CHRM3: variants seen among roughly 807,000 people sequenced by gnomAD.
The protein encoded by CHRM3 is cholinergic receptor muscarinic 3.
Under a neutral mutation model 41.8 loss-of-function variants are expected in CHRM3, and 11 were observed. That is an observed-to-expected ratio of 0.26 (90% CI 0.17 to 0.44). The LOEUF is 0.44. Among genes scored for constraint, CHRM3 ranks in the 20% least tolerant of loss-of-function variants. CHRM3 has a pLI of 1.00. For synonymous variants in CHRM3, 297 were observed against 301.4 expected, an observed-to-expected ratio of 0.99 and a Z score of 0.15; for missense variants, 571 against 745.4, an observed-to-expected ratio of 0.77 and a Z score of 2.72.
intron 1 of CHRM3, among the ~76,000 whole-genome samples, chr1:239,433,991 G>T (rs1203104242): frequency 6.6e-6 from 1 of 152,110 alleles, no homozygotes; most frequent in Admixed American, 6.5e-5. Context: ...TAGTGGGATT[G>T]CTGGATCAAA....
intron 3 of CHRM3, among the ~76,000 whole-genome samples, chr1:239,587,414 T>C (rs1296675284): frequency 1.3e-5 from 2 of 152,172 alleles, no homozygotes; most frequent in Admixed American, 6.5e-5. Flanking sequence ...ATAAGCTAGA[T>C]AGAGAGTCCT....
intron 3 of CHRM3, among the ~76,000 whole-genome samples, chr1:239,567,789 C>G (rs1661488670): frequency 1.3e-5 from 2 of 152,136 alleles, no homozygotes; most frequent in Non-Finnish European, 2.9e-5. Context: ...TTTCCCTGCA[C>G]TTGGCTGGTT....
At chr1:239,737,440 A>C (rs2148468749) in intron 5 of CHRM3, among the ~76,000 whole-genome samples, 1 of 152,268 alleles carries the variant, frequency 6.6e-6, no homozygotes, top group South Asian at 2.1e-4. Context: ...ATTCAGAAAA[A>C]ATAAACACAC....
Position 239,762,942 on chromosome 1 carries a change from T to C in CHRM3, c.-146-64310T>C, listed in dbSNP as rs149223548. ...AAGATGCTGTGTAAGAATGGCAGAG[T>C]ATAATTGTCCTTTTATAGTCATAAT... is the stretch of plus-strand genomic sequence containing the variant. On this transcript the variant is annotated intron_variant, in intron 5 of 6. Transcript: ENST00000676153. Among the ~76,000 whole-genome samples, 27 of 152,292 alleles carry C rather than the reference T, an allele frequency of 1.8e-4. 1 individual carries two copies. Among genetic ancestry groups the C allele is most frequent in the African/African-American group, 6.0e-4 (25 of 41,562 alleles).
chr1:239,420,086 C>A (rs1169404735), intron 1 of CHRM3, among the ~76,000 whole-genome samples: 1 of 152,166 alleles, frequency 6.6e-6, no homozygotes, highest in African/African-American at 2.4e-5. Context: ...TGTTTAGAAG[C>A]TGGGCCTGTA....
chr1:239,868,209 G>C (rs111744945), intron 6 of CHRM3, among the ~76,000 whole-genome samples: 13 of 152,208 alleles, frequency 8.5e-5, no homozygotes, highest in African/African-American at 3.1e-4. Context: ...TCAGAGAACA[G>C]AAGGGAACTC....
chr1:239,426,485 AGAAAG>A (rs374541734), intron 1 of CHRM3, among the ~76,000 whole-genome samples: 7 of 130,466 alleles, frequency 5.4e-5, no homozygotes, highest in Non-Finnish European at 8.3e-5. Context: ...AAAAAAAAAA[AGAAAG>A]AAAAAATCCA....
chr1:239,815,215 G>A (rs1671478098), intron 5 of CHRM3, among the ~76,000 whole-genome samples: 1 of 152,168 alleles, frequency 6.6e-6, no homozygotes, highest in Non-Finnish European at 1.5e-5. Context: ...GGATTTATCA[G>A]TAAAATTGAA....
intron 1 of CHRM3, among the ~76,000 whole-genome samples, chr1:239,421,274 C>T (rs577232359): frequency 6.6e-6 from 1 of 152,252 alleles, no homozygotes; most frequent in African/African-American, 2.4e-5. Context: ...GTTGAGTAAG[C>T]AGGTATCTTG....
chr1:239,558,416 C>T (rs1233840638), intron 3 of CHRM3, among the ~76,000 whole-genome samples: 1 of 152,126 alleles, frequency 6.6e-6, no homozygotes, highest in East Asian at 1.9e-4. Context: ...CAGACACATT[C>T]TGAATGGGAA....
chr1:239,562,796 G>A (rs896516167), intron 3 of CHRM3, among the ~76,000 whole-genome samples: 2 of 151,052 alleles, frequency 1.3e-5, no homozygotes, highest in Non-Finnish European at 2.9e-5. Flanking sequence ...GCTGAGGCAG[G>A]AGAATCACTT....
At chr1:239,700,199 C>T (rs1055062354) in intron 5 of CHRM3, among the ~76,000 whole-genome samples, 4 of 152,054 alleles carry the variant, frequency 2.6e-5, no homozygotes, top group Admixed American at 1.3e-4. Context: ...CCTTTTATTC[C>T]GCCATTCCTG....
chr1:239,714,912 T>G (rs1662187441), intron 5 of CHRM3, among the ~76,000 whole-genome samples: 1 of 152,108 alleles, frequency 6.6e-6, no homozygotes, highest in Non-Finnish European at 1.5e-5. Flanking sequence ...TTGCATGGGA[T>G]GAAGATTTTG....
At chr1:239,868,158 G>A (rs749926153) in intron 6 of CHRM3, among the ~76,000 whole-genome samples, 2 of 152,218 alleles carry the variant, frequency 1.3e-5, no homozygotes, top group Admixed American at 6.5e-5. Context: ...GTACTATTGT[G>A]TGGGTGAGAC....
intron 4 of CHRM3, among the ~76,000 whole-genome samples, chr1:239,653,291 T>C (rs1672406553): frequency 6.6e-6 from 1 of 152,130 alleles, no homozygotes; most frequent in South Asian, 2.1e-4. Flanking sequence ...TGAGCAGATG[T>C]CATCTGGGAG....
intron 1 of CHRM3, among the ~76,000 whole-genome samples, chr1:239,479,053 T>C (rs1389326139): frequency 6.6e-6 from 1 of 152,058 alleles, no homozygotes; most frequent in African/African-American, 2.4e-5. Context: ...GTGTGTTGGC[T>C]GGCACCTGTT....
chr1:239,643,131 G>C (rs1461287397), intron 4 of CHRM3, among the ~76,000 whole-genome samples: 1 of 152,124 alleles, frequency 6.6e-6, no homozygotes, highest in East Asian at 1.9e-4. Flanking sequence ...TGGAAGTTTT[G>C]TCTCAGAGGA....
intron 3 of CHRM3, among the ~76,000 whole-genome samples, chr1:239,562,784 A>C (rs1168425024): frequency 6.7e-6 from 1 of 150,132 alleles, no homozygotes; most frequent in East Asian, 2.0e-4. Flanking sequence ...GCTACTGGGG[A>C]GGCTGAGGCA....
intron 1 of CHRM3, among the ~76,000 whole-genome samples, chr1:239,409,901 A>T (rs964426231): frequency 5.9e-5 from 9 of 152,208 alleles, no homozygotes; most frequent in African/African-American, 2.2e-4. Flanking sequence ...AGATCGCGCC[A>T]CTGCACTCCA....
Sources: gnomAD v4.1 joint callset for allele counts (sites outside exome capture counted in the v4.1 genomes callset) on GRCh38, gnomAD v4.1.1 for gene constraint, MANE v1.5 for transcripts, NCBI Gene and HGNC (gene_info 2026-07-23, HGNC 2026-07-21) for gene names.